The following PCDH9 variants were observed in gnomAD, a reference collection of about 807,000 sequenced individuals.
PCDH9 encodes the protein protocadherin 9.
In PCDH9, 24 loss-of-function variants were observed where a neutral mutation model predicts 70.6. That is an observed-to-expected ratio of 0.34 (90% CI 0.25 to 0.48). The LOEUF is 0.48. Among genes scored for constraint, PCDH9 ranks in the 20% least tolerant of loss-of-function variants. The probability of loss-of-function intolerance (pLI) is 0.99; values close to 1 mark genes in which losing one functional copy is unlikely to be tolerated. For missense variants in PCDH9, 1,281 were observed against 1,503.6 expected (o/e 0.85, Z 2.45); for synonymous variants, 562 against 558.5 (o/e 1.01, Z -0.09).
At chr13:66,438,782 C>T (rs935110954) in intron 4 of PCDH9, among the ~76,000 whole-genome samples, 1 of 152,122 alleles carries the variant, frequency 6.6e-6, no homozygotes, top group African/African-American at 2.4e-5. Flanking sequence ...CTTTGACCCA[C>T]TCTGGACAAT....
intron 4 of PCDH9, among the ~76,000 whole-genome samples, chr13:66,361,664 A>G (rs1404699705): frequency 6.6e-6 from 1 of 152,180 alleles, no homozygotes; most frequent in African/African-American, 2.4e-5. Context: ...AAAAAGGGAA[A>G]AACACCCTAT....
intron 3 of PCDH9, among the ~76,000 whole-genome samples, chr13:66,728,212 A>G (rs1044394851): frequency 1.3e-5 from 2 of 152,144 alleles, no homozygotes; most frequent in Non-Finnish European, 2.9e-5. Context: ...TACTTCAGTT[A>G]TGCTGTTTGA....
At chr13:66,652,180 G>T (rs2077862115) in intron 3 of PCDH9, among the ~76,000 whole-genome samples, 1 of 151,914 alleles carries the variant, frequency 6.6e-6, no homozygotes, top group Non-Finnish European at 1.5e-5. Flanking sequence ...AATAAATAAA[G>T]GGCATCCACA....
intron 3 of PCDH9, among the ~76,000 whole-genome samples, chr13:66,696,228 TA>T (rs2078560550): frequency 6.6e-6 from 1 of 152,022 alleles, no homozygotes; most frequent in African/African-American, 2.4e-5. Context: ...TGTATCACAC[TA>T]AAAAAAGGAG....
intron 3 of PCDH9, among the ~76,000 whole-genome samples, chr13:66,786,714 C>T (rs958949538): frequency 6.6e-6 from 1 of 152,088 alleles, no homozygotes; most frequent in Non-Finnish European, 1.5e-5. Flanking sequence ...GAAAATATCC[C>T]ATTTGGGTAA....
At chr13:66,931,629 T>C (rs2139662217) in intron 2 of PCDH9, among the ~76,000 whole-genome samples, 1 of 152,216 alleles carries the variant, frequency 6.6e-6, no homozygotes, top group Non-Finnish European at 1.5e-5. Flanking sequence ...TTCTAATGCA[T>C]TGTAGTTCTA....
chr13:66,624,083 A>G (rs1367174433), intron 4 of PCDH9, among the ~76,000 whole-genome samples: 2 of 152,096 alleles, frequency 1.3e-5, no homozygotes, highest in Non-Finnish European at 2.9e-5. Context: ...TACAGAAATA[A>G]CTCTATTCAT....
intron 4 of PCDH9, among the ~76,000 whole-genome samples, chr13:66,367,294 G>A (rs914097950): frequency 3.9e-5 from 6 of 151,956 alleles, no homozygotes; most frequent in Non-Finnish European, 8.8e-5. Context: ...AAAATTACAA[G>A]CAAATAAATA....
intron 4 of PCDH9, among the ~76,000 whole-genome samples, chr13:66,349,207 G>A (rs1338953625): frequency 6.6e-6 from 1 of 152,110 alleles, no homozygotes; most frequent in Non-Finnish European, 1.5e-5. Flanking sequence ...GGAGGAGGGA[G>A]GATGGCACAT....
At chr13:66,840,401 C>A (rs894099565) in intron 3 of PCDH9, among the ~76,000 whole-genome samples, 1 of 152,148 alleles carries the variant, frequency 6.6e-6, no homozygotes, top group Admixed American at 6.5e-5. Context: ...TTGACTTATT[C>A]ATGGGCATTG....
intron 4 of PCDH9, among the ~76,000 whole-genome samples, chr13:66,456,912 T>C (rs1047303849): frequency 6.6e-6 from 1 of 152,152 alleles, no homozygotes; most frequent in Non-Finnish European, 1.5e-5. Flanking sequence ...CTGTATTTTA[T>C]TGAGATATTA....
In PCDH9 at chr13:66,331,663, T is replaced by C. The variant is rs1208978635; in HGVS notation, c.3341-26635A>G. On this transcript the variant is annotated intron_variant, in intron 4 of 4. Transcript: ENST00000377865. The stretch of plus-strand genomic sequence containing the variant: ...TTTCTGCAAATCTTTATTGATCCTC[T>C]GGTTGTTTCAGTTACTCTGCTAGGT... 2.0e-5 allele frequency among the ~76,000 whole-genome samples: 3 copies of C among 152,198 alleles called. No individual in the cohort carries two copies. In the East Asian group the frequency reaches 5.8e-4, roughly 29 times the overall value.
chr13:66,824,651 G>GATATATATAT (rs67211029), intron 3 of PCDH9, among the ~76,000 whole-genome samples: 137 of 98,962 alleles, frequency 1.4e-3, no homozygotes, highest in African/African-American at 1.9e-3. Context: ...GCGAAACTCT[G>GATATATATAT]ATATATATAT....
intron 2 of PCDH9, among the ~76,000 whole-genome samples, chr13:67,106,305 A>G (rs2086541944): frequency 6.6e-6 from 1 of 152,214 alleles, no homozygotes; most frequent in African/African-American, 2.4e-5. Context: ...TGTGGTAGAT[A>G]CATGTAACCA....
intron 3 of PCDH9, among the ~76,000 whole-genome samples, chr13:66,862,390 A>G (rs1305410253): frequency 2.6e-5 from 4 of 152,332 alleles, no homozygotes; most frequent in African/African-American, 7.2e-5. Flanking sequence ...AGCAATTTTC[A>G]GAATCGAGAA....
intron 2 of PCDH9, among the ~76,000 whole-genome samples, chr13:67,090,373 A>G (rs1174979740): frequency 6.6e-6 from 1 of 152,042 alleles, no homozygotes; most frequent in African/African-American, 2.4e-5. Context: ...GCTTTTGGAT[A>G]CTAGTGTAAA....
intron 4 of PCDH9, among the ~76,000 whole-genome samples, chr13:66,554,223 CT>C (rs1471981848): frequency 3.3e-5 from 5 of 152,070 alleles, no homozygotes; most frequent in African/African-American, 1.2e-4. Flanking sequence ...CCTTTAACCC[CT>C]AAAAGTAAGT....
intron 2 of PCDH9, among the ~76,000 whole-genome samples, chr13:67,200,161 T>C (rs1471484404): frequency 2.0e-5 from 3 of 152,132 alleles, no homozygotes; most frequent in Non-Finnish European, 4.4e-5. Context: ...GACTTTTAAA[T>C]GGCATCAATA....
chr13:67,136,929 C>T (rs2087245844), intron 2 of PCDH9, among the ~76,000 whole-genome samples: 1 of 151,802 alleles, frequency 6.6e-6, no homozygotes, highest in South Asian at 2.1e-4. Flanking sequence ...TTTTACACAA[C>T]GTGTTTATGA....
Sources: allele counts gnomAD v4.1 joint callset (sites outside exome capture counted in the v4.1 genomes callset), GRCh38; gene constraint gnomAD v4.1.1; transcripts MANE v1.5; gene names NCBI Gene and HGNC (gene_info 2026-07-23, HGNC 2026-07-21).